Variants in CSMD1 observed in about 807,000 individuals in gnomAD.
CSMD1 encodes CUB and sushi domain-containing protein 1.
A neutral mutation model predicts 417.5 loss-of-function variants in CSMD1; 213 were observed. The observed-to-expected ratio is 0.51, with a 90% CI of 0.46 to 0.57. CSMD1 has a LOEUF of 0.57. CSMD1 is among the 20% of genes least tolerant of loss of function. CSMD1 has a pLI of 0.00. For missense variants in CSMD1, 6,923 were observed against 4,529.7 expected, an observed-to-expected ratio of 1.53 and a Z score of -15.17; for synonymous variants, 2,862 against 1,736.8, an observed-to-expected ratio of 1.65 and a Z score of -16.11.
chr8:4,225,422 C>A lies in CSMD1; in HGVS notation c.416-193323G>T, dbSNP rs149016492. Among the ~76,000 whole-genome samples, 1,205 of 151,728 alleles carry A rather than the reference C, an allele frequency of 7.9e-3. 13 individuals carry two copies. The highest frequency in any genetic ancestry group is 0.01 in the Non-Finnish European group (681 of 67,938). Reference sequence around the variant, plus strand: ...GTAAGCCTCTAGATAAGAACATTTTCATACATTATTCTGATGAGTATTTGT... The same window carrying A: ...GTAAGCCTCTAGATAAGAACATTTTAATACATTATTCTGATGAGTATTTGT... On this transcript the variant is annotated intron_variant, in intron 3 of 69. Coordinates refer to ENST00000635120, the MANE Select transcript of CSMD1 (RefSeq NM_033225.6).
Position 4,382,282 on chromosome 8 carries a change from T to C in CSMD1, c.415+37671A>G, listed in dbSNP as rs527249735. Among the ~76,000 whole-genome samples the C allele has an allele frequency of 6.6e-5, 10 of 152,328 alleles. No individual in the cohort carries two copies. The South Asian group carries it at 1.2e-3, about 19-fold the overall frequency. On this transcript the variant is annotated intron_variant, in intron 3 of 69. Coordinates refer to ENST00000635120, the MANE Select transcript of CSMD1 (RefSeq NM_033225.6). Reference sequence around the variant, plus strand: ...ATTGACCTGACAGCACTGGGGCTTATTGAGTTCTTTATCCAGAAAAAAGAG... The same window carrying C: ...ATTGACCTGACAGCACTGGGGCTTACTGAGTTCTTTATCCAGAAAAAAGAG...
intron 10 of CSMD1, among the ~76,000 whole-genome samples, chr8:3,502,361 T>C (rs1325856575): frequency 5.8e-5 from 3 of 51,284 alleles, no homozygotes; most frequent in Admixed American, 2.4e-4. Context: ...CGAGACTTCA[T>C]CTCAAAAAAA....
chr8:4,150,307 G>A (rs1333791369), intron 3 of CSMD1, among the ~76,000 whole-genome samples: 2 of 152,108 alleles, frequency 1.3e-5, no homozygotes, highest in Non-Finnish European at 2.9e-5. Flanking sequence ...TCAGCTCCCT[G>A]TTAGGAAGGA....
At chr8:3,841,359 C>G (rs1803120642) in intron 5 of CSMD1, among the ~76,000 whole-genome samples, 1 of 152,122 alleles carries the variant, frequency 6.6e-6, no homozygotes, top group Admixed American at 6.5e-5. Context: ...TTTAACCATG[C>G]TTTCGTTATG....
chr8:4,046,939 G>T (rs1050568268), intron 3 of CSMD1, among the ~76,000 whole-genome samples: 2 of 152,106 alleles, frequency 1.3e-5, no homozygotes, highest in African/African-American at 4.8e-5. Context: ...GGGAACTTGA[G>T]TCCTAACTCC....
At chr8:4,254,278 G>C (rs1006772474) in intron 3 of CSMD1, among the ~76,000 whole-genome samples, 1 of 152,052 alleles carries the variant, frequency 6.6e-6, no homozygotes, top group African/African-American at 2.4e-5. Context: ...ACCTGTGCCA[G>C]TTACTTCCCT....
intron 10 of CSMD1, among the ~76,000 whole-genome samples, chr8:3,551,564 C>T (rs1463117489): frequency 3.0e-5 from 4 of 134,846 alleles, no homozygotes; most frequent in African/African-American, 5.4e-5. Context: ...TCAGAATTGT[C>T]TTCTAATAAA....
At chr8:4,044,215 T>C (rs943990082) in intron 3 of CSMD1, among the ~76,000 whole-genome samples, 20 of 152,188 alleles carry the variant, frequency 1.3e-4, no homozygotes, top group African/African-American at 4.8e-4. Flanking sequence ...ATAACTGCTG[T>C]TTCAAATACA....
intron 15 of CSMD1, among the ~76,000 whole-genome samples, 196 bp from the exon 16 acceptor site, chr8:3,399,725 C>A (rs947635134): frequency 3.3e-5 from 5 of 152,172 alleles, no homozygotes; most frequent in African/African-American, 9.7e-5. Context: ...ATGTACTTAC[C>A]ATTACCTTGA....
At chr8:3,579,092 A>C (rs1162232465) in intron 9 of CSMD1, among the ~76,000 whole-genome samples, 1 of 152,222 alleles carries the variant, frequency 6.6e-6, no homozygotes, top group East Asian at 1.9e-4. Flanking sequence ...ACCTGATGTT[A>C]CTTGCTTGGC....
intron 2 of CSMD1, among the ~76,000 whole-genome samples, chr8:4,627,501 C>T (rs1211761315): frequency 1.3e-5 from 2 of 152,114 alleles, no homozygotes; most frequent in Non-Finnish European, 2.9e-5. Context: ...TTTCTTTTCT[C>T]AGAAGGTATT....
At chr8:3,437,726 C>G (rs937204303) in intron 12 of CSMD1, among the ~76,000 whole-genome samples, 1 of 151,408 alleles carries the variant, frequency 6.6e-6, no homozygotes, top group African/African-American at 2.4e-5. Context: ...ACCAAAGCCA[C>G]TATAGATGCA....
chr8:4,201,324 G>A (rs182798663), intron 3 of CSMD1, among the ~76,000 whole-genome samples: 390 of 152,128 alleles, frequency 2.6e-3, no homozygotes, highest in African/African-American at 8.8e-3. Flanking sequence ...GGATCACGAG[G>A]TCAGGAGATC....
intron 4 of CSMD1, among the ~76,000 whole-genome samples, chr8:4,024,891 C>T (rs1165853725): frequency 6.6e-6 from 1 of 152,016 alleles, no homozygotes. Context: ...ACAAAGTGTT[C>T]CATCATAGAA....
At chr8:4,980,902 G>GA (rs113606855) in intron 1 of CSMD1, among the ~76,000 whole-genome samples, 12,102 of 142,784 alleles carry the variant, frequency 0.085, 788 homozygotes, top group African/African-American at 0.18. Flanking sequence ...AGACTGTCTC[G>GA]AAAAAAAAAA....
At chr8:4,116,438 T>A (rs1359585997) in intron 3 of CSMD1, among the ~76,000 whole-genome samples, 6 of 146,144 alleles carry the variant, frequency 4.1e-5, no homozygotes, top group African/African-American at 1.6e-4. Context: ...GATGGCGACG[T>A]ATGAGTGCAG....
At chr8:4,957,653 G>A (rs1051546989) in intron 1 of CSMD1, among the ~76,000 whole-genome samples, 1 of 152,154 alleles carries the variant, frequency 6.6e-6, no homozygotes, top group Non-Finnish European at 1.5e-5. Flanking sequence ...CCATTCTAGA[G>A]TTAAAATTAA....
chr8:3,761,813 C>T (rs1798019845), intron 5 of CSMD1, among the ~76,000 whole-genome samples: 1 of 152,094 alleles, frequency 6.6e-6, no homozygotes, highest in Non-Finnish European at 1.5e-5. Flanking sequence ...GCCAAAATTA[C>T]CACTTTCTAC....
chr8:3,439,468 T>C (rs1448293375), intron 12 of CSMD1, among the ~76,000 whole-genome samples: 1 of 145,302 alleles, frequency 6.9e-6, no homozygotes, highest in African/African-American at 2.6e-5. Flanking sequence ...GAACATATCC[T>C]AACTCTGTGA....
Sources: gnomAD v4.1 joint callset for allele counts (sites outside exome capture counted in the v4.1 genomes callset) on GRCh38, gnomAD v4.1.1 for gene constraint, MANE v1.5 for transcripts, NCBI Gene and HGNC (gene_info 2026-07-23, HGNC 2026-07-21) for gene names.